Variants in KRT80 observed in about 807,000 individuals in gnomAD.
The protein encoded by KRT80 is keratin 80.
A neutral mutation model predicts 51.5 loss-of-function variants in KRT80; 36 were observed. The ratio of observed to expected loss-of-function variants is 0.70; its 90% CI spans 0.54 to 0.92. The LOEUF is 0.92. KRT80 is among the 40% of genes least tolerant of loss of function. The probability of loss-of-function intolerance (pLI) is 0.00; values close to 1 mark genes in which losing one functional copy is unlikely to be tolerated. For synonymous variants in KRT80, 235 were observed against 248.3 expected (o/e 0.95, Z 0.50); for missense variants, 566 against 591.7 (o/e 0.96, Z 0.45).
chr12:52,173,944 G>A (rs1013344715), intron 4 of KRT80, among the ~76,000 whole-genome samples, 180 bp from the exon 5 acceptor site: 2 of 152,206 alleles, frequency 1.3e-5, no homozygotes, highest in Non-Finnish European at 2.9e-5. Flanking sequence ...CAGGACTCTC[G>A]GAAGGCAGCT....
At chr12:52,182,729 C>T (rs1252526237) in intron 2 of KRT80, among the ~76,000 whole-genome samples, 1 of 152,144 alleles carries the variant, frequency 6.6e-6, no homozygotes, top group African/African-American at 2.4e-5. Context: ...GAGAAGGACA[C>T]CAGGAGTCAG....
intron 6 of KRT80, 31 bp downstream of exon 6, chr12:52,173,007 C>T (rs977901225): frequency 1.3e-6 from 2 of 1,591,702 alleles, no homozygotes; most frequent in Admixed American, 1.7e-5. Context: ...GCTCTCCTCC[C>T]CGCCCCCAGG....
intron 1 of KRT80, among the ~76,000 whole-genome samples, chr12:52,190,714 G>A (rs548236043): frequency 5.3e-5 from 8 of 152,218 alleles, no homozygotes; most frequent in Non-Finnish European, 1.2e-4. Context: ...CACAGTGCCT[G>A]GCACATAGTA....
Position 52,173,699 on chromosome 12 carries a change from G to A in KRT80, c.732C>T (p.Cys244=). 2 of 1,612,524 alleles carry A rather than the reference G, an allele frequency of 1.2e-6. No homozygotes were observed. Among genetic ancestry groups the A allele is most frequent in the South Asian group, 2.2e-5 (2 of 91,086 alleles). The change falls in exon 5 of 9, where the codon TGC becomes TGT. Residue 244 remains cysteine, a synonymous_variant. Transcript: ENST00000394815. ...VSVTVGMDSR[C]HIDLSGIVEE... is the part of the protein sequence containing the mutation. ...CCACGATGCCGCTCAGGTCGATGTG[G>A]CAGCGGCTGTCCATGCCGACGGTCA...
chr12:52,190,790 CAGG>C (rs1941467844), intron 1 of KRT80, among the ~76,000 whole-genome samples: 3 of 152,126 alleles, frequency 2.0e-5, no homozygotes, highest in South Asian at 4.1e-4. Context: ...GGTGCAGAGT[CAGG>C]AGGAGTTTCT....
chr12:52,182,351 G>A (rs1793493834), intron 2 of KRT80, among the ~76,000 whole-genome samples: 1 of 152,206 alleles, frequency 6.6e-6, no homozygotes. Context: ...TTTTACAGAT[G>A]AGGAAATGGA....
chr12:52,185,386 G>C lies in KRT80; in HGVS notation c.502C>G (p.Arg168Gly). ...TCATGGGGCTCTACGTACCTGATTC[G>C]AAACTCCTCAACCTTCTCCAGCACC... ...LQVLEKVEEF[R>G]IRYEDEISKR... is the part of the protein sequence containing the mutation. The change falls in exon 2 of 9, where the codon CGA becomes GGA. Residue 168 changes from arginine (R) to glycine (G), a missense_variant. Physicochemically the swap from Arg to Gly is moderately radical, Grantham distance 125. Transcript: ENST00000394815. The C allele has an allele frequency of 6.2e-7, 1 of 1,611,714 alleles. No individual in the cohort carries two copies. Among genetic ancestry groups the C allele is most frequent in the Non-Finnish European group, 8.5e-7 (1 of 1,178,552 alleles).
intron 1 of KRT80, among the ~76,000 whole-genome samples, chr12:52,188,542 A>ACATT (rs1380317011): frequency 6.6e-6 from 1 of 152,230 alleles, no homozygotes; most frequent in Non-Finnish European, 1.5e-5. Context: ...CTTCAGCCAG[A>ACATT]CATTGGCTTT....
intron 4 of KRT80, among the ~76,000 whole-genome samples, chr12:52,177,452 G>C (rs529406105): frequency 8.5e-4 from 130 of 152,160 alleles, no homozygotes; most frequent in African/African-American, 3.1e-3. Flanking sequence ...ATTCCGACTG[G>C]ATGCAGCCAG....
chr12:52,180,825 G>A, intron 3 of KRT80, 78 bp downstream of exon 3: 1 of 1,607,714 alleles, frequency 6.2e-7, no homozygotes, highest in Non-Finnish European at 8.5e-7. Context: ...TGGGCATAAA[G>A]GAGAGTAGGA....
chr12:52,173,136 C>T lies in KRT80; in HGVS notation c.859G>A (p.Glu287Lys), dbSNP rs199834107. Residue 287 changes from glutamate to lysine, a missense_variant, in exon 6 of 9, where the codon GAG becomes AAG. Coordinates refer to ENST00000394815, the MANE Select transcript of KRT80 (RefSeq NM_182507.3). ...CTGCTCTGGAGGCTGCTCCCATACT[C>T]GGCCGAGCGGGCGGCCTGCTCCTCC... ...QLEEQAARSA[E>K]YGSSLQSSRS... 2.4e-5 allele frequency: 39 copies of T among 1,611,652 alleles called. No homozygotes were observed. The highest frequency in any genetic ancestry group is 3.5e-4 in the Middle Eastern group (2 of 5,788).
At chr12:52,184,539 C>G (rs1941372193) in intron 2 of KRT80, among the ~76,000 whole-genome samples, 1 of 152,188 alleles carries the variant, frequency 6.6e-6, no homozygotes. Context: ...GTCACCATGC[C>G]ACACTCTCAA....
intron 4 of KRT80, among the ~76,000 whole-genome samples, chr12:52,177,041 C>T (rs1941237341): frequency 6.6e-6 from 1 of 152,206 alleles, no homozygotes; most frequent in Non-Finnish European, 1.5e-5. Context: ...ATAAAATAGC[C>T]TGCTCCAGTT....
chr12:52,184,099 G>C (rs1941365172), intron 2 of KRT80, among the ~76,000 whole-genome samples: 1 of 152,236 alleles, frequency 6.6e-6, no homozygotes, highest in Admixed American at 6.5e-5. Flanking sequence ...CTACAGCCCA[G>C]GTCTCTGGAC....
chr12:52,180,825 G>T (rs1399783851), intron 3 of KRT80, 78 bp downstream of exon 3: 2 of 1,607,714 alleles, frequency 1.2e-6, no homozygotes, highest in Non-Finnish European at 1.7e-6. Flanking sequence ...TGGGCATAAA[G>T]GAGAGTAGGA....
chr12:52,184,047 C>G (rs1240709334), intron 2 of KRT80, among the ~76,000 whole-genome samples: 1 of 152,136 alleles, frequency 6.6e-6, no homozygotes, highest in African/African-American at 2.4e-5. Context: ...TTTCCCTAGG[C>G]CTGGGAGGGC....
At chr12:52,187,440 C>A (rs1047182288) in intron 1 of KRT80, among the ~76,000 whole-genome samples, 2 of 152,210 alleles carry the variant, frequency 1.3e-5, no homozygotes, top group African/African-American at 4.8e-5. Context: ...CATCTGATGG[C>A]CACTGCCCTC....
intron 2 of KRT80, among the ~76,000 whole-genome samples, chr12:52,181,166 G>A (rs956349754): frequency 1.3e-5 from 2 of 151,982 alleles, no homozygotes; most frequent in South Asian, 2.1e-4. Context: ...TTGGCTCCCC[G>A]TTCCTCACTC....
Position 52,191,931 on chromosome 12 carries a change from C to G in KRT80, c.-29G>C. On this transcript the variant is annotated 5_prime_UTR_variant, in exon 1 of 9. Coordinates refer to ENST00000394815, the MANE Select transcript of KRT80 (RefSeq NM_182507.3). ...GCCCCCGGCCGGAAGCAGGAGGGCC[C>G]AGGGGGGTGAGCGAGTGAGCCTGGG... is the stretch of plus-strand genomic sequence containing the variant. 4.9e-6 allele frequency: 7 copies of G among 1,442,490 alleles called. No individual in the cohort carries two copies. Among genetic ancestry groups the G allele is most frequent in the Non-Finnish European group, 6.4e-6 (7 of 1,098,178 alleles). 89.4% of individuals were successfully genotyped at this position (1,442,490 alleles called of 1,614,324 possible).
Sources: allele counts gnomAD v4.1 joint callset (sites outside exome capture counted in the v4.1 genomes callset), GRCh38; gene constraint gnomAD v4.1.1; transcripts MANE v1.5; gene names NCBI Gene and HGNC (gene_info 2026-07-23, HGNC 2026-07-21).